The following POLR3A variants were observed in gnomAD, a reference collection of about 807,000 sequenced individuals.
The protein encoded by POLR3A is DNA-directed RNA polymerase III subunit RPC1.
In POLR3A, 112 loss-of-function variants were observed where a neutral mutation model predicts 152.8. That is an observed-to-expected ratio of 0.73 (90% CI 0.63 to 0.86). The LOEUF (loss-of-function observed/expected upper bound fraction) is 0.86, where lower values mean the gene tolerates loss of function less well. Among genes scored for constraint, POLR3A ranks in the 40% least tolerant of loss-of-function variants. The pLI, the probability that POLR3A is intolerant of heterozygous loss-of-function variation, is 0.00. For synonymous variants in POLR3A, 615 were observed against 652.1 expected, an observed-to-expected ratio of 0.94 and a Z score of 0.87; for missense variants, 1,385 against 1,743.1, an observed-to-expected ratio of 0.79 and a Z score of 3.66.
intron 30 of POLR3A, 125 bp from the exon 31 acceptor site, chr10:77,977,751 G>C: frequency 1.2e-6 from 1 of 810,782 alleles, no homozygotes; most frequent in South Asian, 1.4e-5. Flanking sequence ...CACATCAACT[G>C]AACTTTGGCA....
rs372155738 is a variant in POLR3A, at chr10:77,984,256, C to T, written c.3285G>A (p.Ala1095=). The change falls in exon 25 of 31, where the codon GCG becomes GCA. Residue 1095 remains alanine, a synonymous_variant. Coordinates refer to ENST00000372371, the MANE Select transcript of POLR3A (RefSeq NM_007055.4). The part of the protein sequence containing the change: ...ITAQLDKDDD[A]DYARLVKGRI... ...TCCCTTTCACGAGGCGAGCATAATCCGCGTCGTCATCCTTGTCTAGCTGTG... is the reference window on the plus strand; with the variant it reads ...TCCCTTTCACGAGGCGAGCATAATCTGCGTCGTCATCCTTGTCTAGCTGTG... 225 of 1,613,344 alleles carry T rather than the reference C, an allele frequency of 1.4e-4. No homozygotes were observed. Among genetic ancestry groups the T allele is most frequent in the Non-Finnish European group, 1.8e-4 (214 of 1,179,580 alleles).
chr10:78,022,958 G>A (rs1847594417), intron 5 of POLR3A, among the ~76,000 whole-genome samples: 1 of 152,164 alleles, frequency 6.6e-6, no homozygotes, highest in Non-Finnish European at 1.5e-5. Context: ...AGGAGTTCGA[G>A]ACCAGCCTGA....
At chr10:77,999,732 T>C (rs1402008597) in intron 19 of POLR3A, among the ~76,000 whole-genome samples, 2 of 152,224 alleles carry the variant, frequency 1.3e-5, no homozygotes, top group African/African-American at 4.8e-5. Context: ...TCCATCCATG[T>C]TCTCCTCTAA....
rs1014011377 is a variant in POLR3A at position 77,983,807 on chromosome 10, C to A, written c.3429+113G>T. The stretch of plus-strand genomic sequence containing the variant: ...AGAATCACAAAAACCAGAAACCACA[C>A]AGAAGGTTCTGCAATGCTTCCTCTG... On this transcript the variant is annotated intron_variant, in intron 26 of 30. Transcript: ENST00000372371. The A allele has an allele frequency of 7.1e-5, 53 of 741,830 alleles. 1 individual carries two copies. The Admixed American group carries it at 1.0e-3, about 14-fold the overall frequency. The allele number at this position is 741,830 out of a possible 1,614,324, so 46.0% of individuals were successfully genotyped here.
chr10:78,019,124 G>T (rs1173043804), intron 9 of POLR3A, 38 bp downstream of exon 9: 3 of 1,381,972 alleles, frequency 2.2e-6, no homozygotes, highest in Non-Finnish European at 3.1e-6. Flanking sequence ...TTTGCCATGA[G>T]AAAGTAGTTA....
At chr10:77,985,666 G>A (rs1342607652) in intron 23 of POLR3A, among the ~76,000 whole-genome samples, 1 of 152,204 alleles carries the variant, frequency 6.6e-6, no homozygotes, top group Non-Finnish European at 1.5e-5. Flanking sequence ...TGCCATATTC[G>A]TTAGCAGTTT....
At chr10:78,006,395 C>CAAAAAAAAAAAAAAAAAAAAA (rs36050560) in intron 15 of POLR3A, among the ~76,000 whole-genome samples, 3 of 21,936 alleles carry the variant, frequency 1.4e-4, no homozygotes, top group East Asian at 1.5e-3. Context: ...GACTCTGTCT[C>CAAAAAAAAAAAAAAAAAAAAA]AAAAAAAAAA....
At chr10:77,984,718 T>C (rs976920577) in intron 24 of POLR3A, among the ~76,000 whole-genome samples, 1 of 152,254 alleles carries the variant, frequency 6.6e-6, no homozygotes, top group Non-Finnish European at 1.5e-5. Flanking sequence ...ATTTTTGTCA[T>C]CGAAGGCATT....
rs915638789 is a variant in POLR3A, at chr10:77,992,639, C to T, written c.2787+558G>A. ...TGTATCTTTAGTAGAGATGGGGTTT[C>T]ACCATGTTGGCCAGGATGGTCTCGA... is the stretch of plus-strand genomic sequence containing the variant. On this transcript the variant is annotated intron_variant, in intron 20 of 30. Transcript: ENST00000372371. Among the ~76,000 whole-genome samples, 13 of 151,924 alleles carry T rather than the reference C, an allele frequency of 8.6e-5. 1 individual carries two copies. The highest frequency in any genetic ancestry group is 8.5e-4 in the Admixed American group (13 of 15,268).
At chr10:77,999,929 C>A in intron 19 of POLR3A, 52 bp downstream of exon 19, 1 of 1,571,206 alleles carries the variant, frequency 6.4e-7, no homozygotes, top group Non-Finnish European at 8.8e-7. Flanking sequence ...AGTCAAAACC[C>A]ACAGAGCTCT....
intron 10 of POLR3A, among the ~76,000 whole-genome samples, chr10:78,014,800 TA>T (rs1847503656): frequency 6.6e-6 from 1 of 152,154 alleles, no homozygotes; most frequent in South Asian, 2.1e-4. Flanking sequence ...GAAAAAGACT[TA>T]ACCATTTACA....
chr10:78,000,508 T>C (rs751696728), intron 18 of POLR3A, among the ~76,000 whole-genome samples: 1 of 152,236 alleles, frequency 6.6e-6, no homozygotes, highest in Non-Finnish European at 1.5e-5. Context: ...CCTGCCCACC[T>C]ACAAAACATA....
At position 78,026,077 on chromosome 10, in the gene POLR3A, G is replaced by A. The variant is rs1293632114; in HGVS notation, c.180+17C>T. 1.9e-6 allele frequency: 3 copies of A among 1,613,744 alleles called. No homozygotes were observed. The South Asian group carries it at 3.3e-5, about 18-fold the overall frequency. On this transcript the variant is annotated intron_variant, in intron 2 of 30. Transcript: ENST00000372371. ...CAGGGCAAGACACAGTTACCAGGAGGGGTGAGGGGGCCTTACCATCCTATG... is the reference window on the plus strand; with the variant it reads ...CAGGGCAAGACACAGTTACCAGGAGAGGTGAGGGGGCCTTACCATCCTATG...
chr10:77,992,644 T>A (rs1847260892), intron 20 of POLR3A, among the ~76,000 whole-genome samples: 5 of 151,912 alleles, frequency 3.3e-5, no homozygotes, highest in Admixed American at 3.3e-4. Context: ...GGTTTCACCA[T>A]GTTGGCCAGG....
intron 26 of POLR3A, among the ~76,000 whole-genome samples, chr10:77,983,260 G>C (rs1450625648): frequency 1.3e-5 from 2 of 152,210 alleles, no homozygotes; most frequent in South Asian, 2.1e-4. Flanking sequence ...AGACAGGCTA[G>C]AGAAATCCCC....
chr10:78,004,522 A>G (rs1474452394), intron 16 of POLR3A, among the ~76,000 whole-genome samples, 194 bp downstream of exon 16: 1 of 152,220 alleles, frequency 6.6e-6, no homozygotes, highest in Non-Finnish European at 1.5e-5. Flanking sequence ...GGACACACAC[A>G]GTGAGCCCAG....
At chr10:77,978,179 G>C (rs372322664) in intron 30 of POLR3A, among the ~76,000 whole-genome samples, 6 of 152,156 alleles carry the variant, frequency 3.9e-5, no homozygotes, top group Admixed American at 3.9e-4. Context: ...CACCCAGAAG[G>C]CAGGGCACCT....
At chr10:77,997,868 A>C (rs1847317237) in intron 19 of POLR3A, among the ~76,000 whole-genome samples, 1 of 149,400 alleles carries the variant, frequency 6.7e-6, no homozygotes, top group African/African-American at 2.5e-5. Context: ...CCAAAAGAAC[A>C]AACCTGGAGG....
intron 19 of POLR3A, among the ~76,000 whole-genome samples, chr10:77,999,236 C>T (rs913221906): frequency 3.3e-5 from 5 of 152,224 alleles, no homozygotes; most frequent in South Asian, 2.1e-4. Context: ...CAACATGGCA[C>T]ATGTATACAT....
Sources: gnomAD v4.1 joint callset for allele counts (sites outside exome capture counted in the v4.1 genomes callset) on GRCh38, gnomAD v4.1.1 for gene constraint, MANE v1.5 for transcripts, NCBI Gene and HGNC (gene_info 2026-07-23, HGNC 2026-07-21) for gene names.